The following TAPT1 variants were observed in gnomAD, a reference collection of about 807,000 sequenced individuals.
TAPT1 encodes transmembrane anterior posterior transformation 1, also known as transmembrane anterior posterior transformation protein 1 homolog.
A neutral mutation model predicts 65.6 loss-of-function variants in TAPT1; 28 were observed. That is an observed-to-expected ratio of 0.43 (90% confidence interval 0.32 to 0.59). TAPT1 has a LOEUF of 0.59. Among genes scored for constraint, TAPT1 ranks in the 20% least tolerant of loss-of-function variants. The pLI, the probability that TAPT1 is intolerant of heterozygous loss-of-function variation, is 0.09. For synonymous variants in TAPT1, 278 were observed against 245.2 expected, an observed-to-expected ratio of 1.13 and a Z score of -1.25; for missense variants, 563 against 679.9, an observed-to-expected ratio of 0.83 and a Z score of 1.91.
At chr4:16,205,691 G>C (rs528400586) in intron 2 of TAPT1, among the ~76,000 whole-genome samples, 1 of 152,128 alleles carries the variant, frequency 6.6e-6, no homozygotes, top group Admixed American at 6.6e-5. Context: ...ACAGGCACTA[G>C]ATTTTGCCAG....
At chr4:16,179,472 A>C in intron 8 of TAPT1, 105 bp downstream of exon 8, 2 of 663,196 alleles carry the variant, frequency 3.0e-6, no homozygotes, top group Non-Finnish European at 4.9e-6. Flanking sequence ...TAAAACAGCC[A>C]AAGTCTTTTG....
At chr4:16,206,006 G>C (rs538836625) in intron 2 of TAPT1, among the ~76,000 whole-genome samples, 1 of 152,214 alleles carries the variant, frequency 6.6e-6, no homozygotes, top group Admixed American at 6.5e-5. Flanking sequence ...CTCACATATA[G>C]GGATCAACAA....
chr4:16,200,871 AG>A (rs1359263544), intron 3 of TAPT1, among the ~76,000 whole-genome samples: 1 of 152,228 alleles, frequency 6.6e-6, no homozygotes, highest in Non-Finnish European at 1.5e-5. Flanking sequence ...GCCTTTAAAA[AG>A]GCTTGTTAAT....
intron 1 of TAPT1, 146 bp downstream of exon 1, chr4:16,226,113 C>T: frequency 2.0e-6 from 2 of 1,021,412 alleles, no homozygotes; most frequent in Non-Finnish European, 2.4e-6. Context: ...GCAGCCTCGG[C>T]GGCTCCGCGC....
intron 3 of TAPT1, among the ~76,000 whole-genome samples, chr4:16,195,306 G>A (rs1045223770): frequency 2.3e-4 from 35 of 152,228 alleles, no homozygotes; most frequent in African/African-American, 8.4e-4. Flanking sequence ...ATTCAACCCC[G>A]AACTGGCTTT....
chr4:16,200,936 C>T (rs1237494422), intron 3 of TAPT1, among the ~76,000 whole-genome samples: 1 of 152,148 alleles, frequency 6.6e-6, no homozygotes, highest in African/African-American at 2.4e-5. Context: ...ACTAGAAATG[C>T]CTTAAAGCAA....
chr4:16,219,282 G>T (rs1435814878), intron 1 of TAPT1, among the ~76,000 whole-genome samples: 1 of 152,020 alleles, frequency 6.6e-6, no homozygotes, highest in South Asian at 2.1e-4. Flanking sequence ...TTTGTAAACA[G>T]GCCACTGTGT....
intron 11 of TAPT1, 95 bp downstream of exon 11, chr4:16,174,109 A>G (rs1748174953): frequency 9.5e-7 from 1 of 1,056,508 alleles, no homozygotes; most frequent in African/African-American, 1.6e-5. Context: ...TTTTATATCA[A>G]GTCCTTTTGA....
At chr4:16,179,208 T>G (rs752729315) in intron 8 of TAPT1, 35 of 163,706 alleles carry the variant, frequency 2.1e-4, no homozygotes, top group Non-Finnish European at 3.0e-4. Flanking sequence ...ACACCCAGAC[T>G]ATATGGTATA....
chr4:16,180,253 T>G (rs1748635591), intron 7 of TAPT1, among the ~76,000 whole-genome samples: 1 of 152,082 alleles, frequency 6.6e-6, no homozygotes, highest in Admixed American at 6.6e-5. Context: ...TGAGATTAGG[T>G]GGAAGGAATT....
At chr4:16,176,528 T>A (rs978049767) in intron 8 of TAPT1, 1 of 177,292 alleles carries the variant, frequency 5.6e-6, no homozygotes, top group Admixed American at 6.2e-5. Flanking sequence ...AAACCCTGTC[T>A]CTACTAAAAA....
chr4:16,166,944 C>A, intron 12 of TAPT1, 151 bp from the exon 13 acceptor site: 1 of 571,474 alleles, frequency 1.7e-6, no homozygotes, highest in Admixed American at 3.2e-5. Context: ...CTTGAGTTTT[C>A]TGAGGCCTCC....
chr4:16,186,766 A>T lies in TAPT1; in HGVS notation c.846+15T>A. The T allele has an allele frequency of 6.5e-7, 1 of 1,546,860 alleles. No individual in the cohort carries two copies. Among genetic ancestry groups the T allele is most frequent in the Admixed American group, 1.7e-5 (1 of 58,646 alleles). Reference sequence around the variant, plus strand: ...CTGTATAACTTCAAAAATGTAAGATAAATCTCATACTTACATTATTAGACA... The same window carrying T: ...CTGTATAACTTCAAAAATGTAAGATTAATCTCATACTTACATTATTAGACA... On this transcript the variant is annotated intron_variant, in intron 6 of 13. Transcript: ENST00000405303.
intron 1 of TAPT1, among the ~76,000 whole-genome samples, chr4:16,224,079 C>G (rs969077369): frequency 2.0e-5 from 3 of 152,112 alleles, no homozygotes; most frequent in African/African-American, 7.2e-5. Context: ...CAGAGGCACA[C>G]AAGAATATAA....
At chr4:16,205,341 G>A (rs1025507144) in intron 2 of TAPT1, among the ~76,000 whole-genome samples, 4 of 152,150 alleles carry the variant, frequency 2.6e-5, no homozygotes, top group Non-Finnish European at 5.9e-5. Context: ...CCTGCTAGTC[G>A]AGGATCGCTG....
chr4:16,219,630 C>A (rs879842635), intron 1 of TAPT1, among the ~76,000 whole-genome samples: 1 of 152,186 alleles, frequency 6.6e-6, no homozygotes, highest in African/African-American at 2.4e-5. Context: ...CCTACTCCTG[C>A]GTAAGTGGCT....
At position 16,226,034 on chromosome 4, in the gene TAPT1, G is replaced by A. The variant is rs1191112709; in HGVS notation, c.199+225C>T. The A allele has an allele frequency of 6.0e-6, 6 of 1,006,324 alleles. No individual in the cohort carries two copies. In the African/African-American group the frequency reaches 1.0e-4, roughly 17 times the overall value. The allele number at this position is 1,006,324 out of a possible 1,614,324, so 62.3% of individuals were successfully genotyped here. Reference sequence around the variant, plus strand: ...CCTTCTAGGGCACACCTGGCCTGGCGCGGCCGCGGGGGCCTCGGGGCTGCG... The same window carrying A: ...CCTTCTAGGGCACACCTGGCCTGGCACGGCCGCGGGGGCCTCGGGGCTGCG... On this transcript the variant is annotated intron_variant, in intron 1 of 13. Coordinates refer to ENST00000405303, the MANE Select transcript of TAPT1 (RefSeq NM_153365.3).
chr4:16,172,484 C>G (rs1323046145), intron 11 of TAPT1, among the ~76,000 whole-genome samples: 3 of 151,838 alleles, frequency 2.0e-5, no homozygotes, highest in Non-Finnish European at 4.4e-5. Context: ...CTTTAACAAA[C>G]AATTTTATTA....
intron 2 of TAPT1, among the ~76,000 whole-genome samples, chr4:16,209,607 C>T (rs527521382): frequency 1.3e-5 from 2 of 152,244 alleles, no homozygotes; most frequent in South Asian, 4.1e-4. Flanking sequence ...GTACCTGATG[C>T]ATGGTAAACT....
Sources: gnomAD v4.1 joint callset for allele counts (sites outside exome capture counted in the v4.1 genomes callset) on GRCh38, gnomAD v4.1.1 for gene constraint, MANE v1.5 for transcripts, NCBI Gene and HGNC (gene_info 2026-07-23, HGNC 2026-07-21) for gene names.